Variants in MCPH1 observed in about 807,000 individuals in gnomAD.
MCPH1 encodes the protein microcephalin 1.
Under a neutral mutation model 84.5 loss-of-function variants are expected in MCPH1, and 104 were observed. The observed-to-expected ratio is 1.23, with a 90% CI of 1.05 to 1.45. The LOEUF is 1.45. Among genes scored for constraint, MCPH1 ranks in the 40% most tolerant of loss-of-function variants. The pLI is 0.00. For missense variants in MCPH1, 1,498 were observed against 1,005.7 expected (o/e 1.49, Z -6.62); for synonymous variants, 514 against 366.8 (o/e 1.40, Z -4.58).
chr8:6,610,258 A>G (rs1830148011), intron 12 of MCPH1, among the ~76,000 whole-genome samples: 1 of 152,214 alleles, frequency 6.6e-6, no homozygotes, highest in Admixed American at 6.5e-5. Context: ...TGGGATGCAG[A>G]CAGAAGGCGG....
At chr8:6,446,795 AC>A (rs2045158227) in intron 8 of MCPH1, 2 of 984,284 alleles carry the variant, frequency 2.0e-6, no homozygotes, top group Non-Finnish European at 2.4e-6. Context: ...CTGGTAGCAA[AC>A]AGTGTGGCAT....
At chr8:6,527,487 T>C (rs1818549622) in intron 12 of MCPH1, 4 of 1,561,844 alleles carry the variant, frequency 2.6e-6, no homozygotes, top group African/African-American at 2.7e-5. Flanking sequence ...AATTCATCAT[T>C]TGAGACCGAC....
chr8:6,475,816 A>G (rs566300914), intron 9 of MCPH1, among the ~76,000 whole-genome samples: 12 of 152,160 alleles, frequency 7.9e-5, no homozygotes, highest in African/African-American at 2.6e-4. Context: ...AGCAACTGAG[A>G]GGTGGTCCCT....
At position 6,644,889 on chromosome 8, in the gene MCPH1, G is replaced by C. The variant is rs1046414292; in HGVS notation, c.*1840G>C. 6.6e-6 allele frequency: 1 copy of C among 152,168 alleles called. No homozygotes were observed. The highest frequency in any genetic ancestry group is 1.5e-5 in the Non-Finnish European group (1 of 68,042). 9.4% of individuals were successfully genotyped at this position (152,168 alleles called of 1,614,324 possible). A position where few individuals can be genotyped will look rare whatever the true frequency, so the allele number is the denominator to read the frequency against. On this transcript the variant is annotated 3_prime_UTR_variant, in exon 14 of 14. Coordinates refer to ENST00000344683, the MANE Select transcript of MCPH1 (RefSeq NM_024596.5). Reference sequence around the variant, plus strand: ...ATTCTATAGAAAACCACAGAAACTGGAAATAATGAAGGGTTGTCTCTTGGT... The same window carrying C: ...ATTCTATAGAAAACCACAGAAACTGCAAATAATGAAGGGTTGTCTCTTGGT...
At chr8:6,466,928 T>G (rs781528292) in intron 9 of MCPH1, among the ~76,000 whole-genome samples, 10 of 152,218 alleles carry the variant, frequency 6.6e-5, no homozygotes, top group Non-Finnish European at 1.3e-4. Context: ...TCTTCACACT[T>G]TTAAAAAAGT....
In MCPH1 at chr8:6,546,762, C is replaced by T. The variant is rs185647680; in HGVS notation, c.2214+46833C>T. ...TGCACTTGGTAGGATATAAACTCAACGTACCCTCTTCCTCCCCTTCCCCCA... is the reference window on the plus strand; with the variant it reads ...TGCACTTGGTAGGATATAAACTCAATGTACCCTCTTCCTCCCCTTCCCCCA... On this transcript the variant is annotated intron_variant, in intron 12 of 13. Coordinates refer to ENST00000344683, the MANE Select transcript of MCPH1 (RefSeq NM_024596.5). Among the ~76,000 whole-genome samples the T allele has an allele frequency of 9.8e-4, 149 of 152,308 alleles. 3 individuals carry two copies. The highest frequency in any genetic ancestry group is 6.2e-3 in the Admixed American group (95 of 15,302).
chr8:6,565,963 A>T (rs904231213), intron 12 of MCPH1, among the ~76,000 whole-genome samples: 2 of 152,186 alleles, frequency 1.3e-5, no homozygotes, highest in Admixed American at 6.5e-5. Context: ...GGGAAGCTCT[A>T]GTAGAGCCGG....
chr8:6,511,463 A>G (rs1815079788), intron 12 of MCPH1, among the ~76,000 whole-genome samples: 1 of 152,236 alleles, frequency 6.6e-6, no homozygotes, highest in Non-Finnish European at 1.5e-5. Context: ...TAGTTTCACT[A>G]GAAAGAATGA....
At chr8:6,503,030 G>C in intron 12 of MCPH1, 2 of 1,574,606 alleles carry the variant, frequency 1.3e-6, no homozygotes, top group Non-Finnish European at 1.7e-6. Flanking sequence ...GTGCGCAGCC[G>C]TGACTTTCAG....
intron 13 of MCPH1, chr8:6,625,348 C>CTCA: frequency 4.1e-6 from 4 of 985,450 alleles, no homozygotes; most frequent in Non-Finnish European, 4.8e-6. Context: ...TGGATGTGTC[C>CTCA]TCATCATCCC....
At chr8:6,449,210 C>T (rs553876473) in intron 8 of MCPH1, among the ~76,000 whole-genome samples, 93 of 152,298 alleles carry the variant, frequency 6.1e-4, no homozygotes, top group African/African-American at 2.2e-3. Flanking sequence ...GCTTAGAAGA[C>T]GCTGATGGAA....
At chr8:6,554,304 G>T (rs1236969503) in intron 12 of MCPH1, among the ~76,000 whole-genome samples, 2 of 142,892 alleles carry the variant, frequency 1.4e-5, no homozygotes, top group African/African-American at 5.8e-5. Flanking sequence ...ATTTTAAAAA[G>T]AGAGAAAAAA....
chr8:6,538,765 G>T (rs929102537), intron 12 of MCPH1, among the ~76,000 whole-genome samples: 9 of 152,160 alleles, frequency 5.9e-5, no homozygotes, highest in African/African-American at 1.9e-4. Flanking sequence ...GTTCTTGCTT[G>T]CTTGGTGAAG....
At chr8:6,555,318 C>A (rs938081486) in intron 12 of MCPH1, among the ~76,000 whole-genome samples, 1 of 152,192 alleles carries the variant, frequency 6.6e-6, no homozygotes, top group African/African-American at 2.4e-5. Flanking sequence ...CGTCGTCCTG[C>A]CTTTCAAGTG....
In MCPH1 at chr8:6,513,661, A is replaced by G. The variant is rs73522634; in HGVS notation, c.2214+13732A>G. The G allele has an allele frequency of 2.2e-3, 3,493 of 1,597,012 alleles. 69 individuals carry two copies. In the African/African-American group the frequency reaches 0.041, roughly 19 times the overall value. ...AATCTTTTAATTTTTTCTTTCAATT[A>G]CCATGAACTCACTTACCTATAATTG... On this transcript the variant is annotated intron_variant, in intron 12 of 13. Transcript: ENST00000344683.
intron 13 of MCPH1, among the ~76,000 whole-genome samples, chr8:6,641,552 TG>T (rs543681841): frequency 2.1e-3 from 316 of 152,282 alleles, no homozygotes; most frequent in African/African-American, 7.2e-3. Context: ...GAGATCAGCC[TG>T]GGCAACAAAG....
chr8:6,545,202 G>A (rs1250921381), intron 12 of MCPH1, among the ~76,000 whole-genome samples: 1 of 152,146 alleles, frequency 6.6e-6, no homozygotes, highest in African/African-American at 2.4e-5. Context: ...TGTGAACTGA[G>A]CAGTGGCACG....
rs1272464089 is a variant in MCPH1, at chr8:6,646,677, T to C, written c.*3628T>C. ...AATTCTTTCCTGTGGAGAGCTGTCCTGTGCACTGTAGAATGTTTAGCTGCA... is the reference window on the plus strand; with the variant it reads ...AATTCTTTCCTGTGGAGAGCTGTCCCGTGCACTGTAGAATGTTTAGCTGCA... On this transcript the variant is annotated 3_prime_UTR_variant, in exon 14 of 14. Transcript: ENST00000344683. 2.0e-5 allele frequency: 3 copies of C among 152,238 alleles called. No homozygotes were observed. The highest frequency in any genetic ancestry group is 7.2e-5 in the African/African-American group (3 of 41,458). The allele number at this position is 152,238 out of a possible 1,614,324, so 9.4% of individuals were successfully genotyped here.
intron 13 of MCPH1, chr8:6,625,717 A>C (rs1178300181): frequency 4.1e-6 from 4 of 979,312 alleles, no homozygotes; most frequent in Non-Finnish European, 4.9e-6. Flanking sequence ...CCATAAGTTC[A>C]AGGCTGCGGT....
Sources: allele counts gnomAD v4.1 joint callset (sites outside exome capture counted in the v4.1 genomes callset), GRCh38; gene constraint gnomAD v4.1.1; transcripts MANE v1.5; gene names NCBI Gene and HGNC (gene_info 2026-07-23, HGNC 2026-07-21).